The following ADIPOR2 variants were observed in gnomAD, a reference collection of about 807,000 sequenced individuals.
ADIPOR2 encodes the protein adiponectin receptor protein 2.
A neutral mutation model predicts 40.9 loss-of-function variants in ADIPOR2; 18 were observed. The ratio of observed to expected loss-of-function variants is 0.44; its 90% CI spans 0.30 to 0.65. The LOEUF (loss-of-function observed/expected upper bound fraction) is 0.65, where lower values mean the gene tolerates loss of function less well. Among genes scored for constraint, ADIPOR2 ranks in the 30% least tolerant of loss-of-function variants. The pLI is 0.09. For synonymous variants in ADIPOR2, 165 were observed against 166.4 expected (o/e 0.99, Z 0.06); for missense variants, 283 against 479.2 (o/e 0.59, Z 3.82).
intron 1 of ADIPOR2, among the ~76,000 whole-genome samples, chr12:1,718,857 C>T (rs377564597): frequency 7.2e-5 from 11 of 152,060 alleles, no homozygotes; most frequent in African/African-American, 2.7e-4. Flanking sequence ...AGGACGGGTT[C>T]CTTGTGATTT....
intron 2 of ADIPOR2, among the ~76,000 whole-genome samples, chr12:1,758,256 C>T (rs1325421371): frequency 6.6e-6 from 1 of 152,134 alleles, no homozygotes; most frequent in East Asian, 1.9e-4. Flanking sequence ...ATTTATTGCC[C>T]TGAAAGCCTC....
chr12:1,713,168 G>GA (rs1477843095), intron 1 of ADIPOR2, among the ~76,000 whole-genome samples: 2 of 152,126 alleles, frequency 1.3e-5, no homozygotes, highest in African/African-American at 2.4e-5. Context: ...AAGGCAAAGA[G>GA]AAACTGGGAG....
intron 2 of ADIPOR2, among the ~76,000 whole-genome samples, chr12:1,756,407 C>T (rs1007398448): frequency 2.6e-5 from 4 of 151,606 alleles, no homozygotes; most frequent in Non-Finnish European, 4.4e-5. Flanking sequence ...ACCTTGGCCC[C>T]GCAAATTGCT....
intron 1 of ADIPOR2, among the ~76,000 whole-genome samples, chr12:1,726,959 T>G (rs1213614102): frequency 6.6e-6 from 1 of 152,250 alleles, no homozygotes; most frequent in Non-Finnish European, 1.5e-5. Context: ...TCTTTCTATA[T>G]TTCATTGACC....
intron 1 of ADIPOR2, among the ~76,000 whole-genome samples, chr12:1,740,629 C>T (rs757597696): frequency 6.6e-6 from 1 of 152,240 alleles, no homozygotes; most frequent in South Asian, 2.1e-4. Flanking sequence ...CAGTGCACAC[C>T]GCCAGGGAAT....
intron 2 of ADIPOR2, among the ~76,000 whole-genome samples, chr12:1,758,534 T>C (rs956055776): frequency 6.6e-6 from 1 of 152,208 alleles, no homozygotes; most frequent in African/African-American, 2.4e-5. Context: ...AGTTGTTTGC[T>C]GAAAAAGAGA....
At chr12:1,729,617 G>GTTTTTTTTTTTTTTT (rs56921758) in intron 1 of ADIPOR2, among the ~76,000 whole-genome samples, 9 of 88,984 alleles carry the variant, frequency 1.0e-4, no homozygotes, top group Non-Finnish European at 1.5e-4. Context: ...TCAGCCAGTT[G>GTTTTTTTTTTTTTTT]TTTTTTTTTT....
intron 1 of ADIPOR2, among the ~76,000 whole-genome samples, chr12:1,724,573 G>A (rs996180578): frequency 2.0e-5 from 3 of 152,228 alleles, no homozygotes; most frequent in Middle Eastern, 3.4e-3. Flanking sequence ...GGTTGTAAGG[G>A]TCACACAACA....
At chr12:1,749,680 G>A (rs895412059) in intron 1 of ADIPOR2, among the ~76,000 whole-genome samples, 1 of 152,138 alleles carries the variant, frequency 6.6e-6, no homozygotes, top group Non-Finnish European at 1.5e-5. Context: ...TGCCTTCCAT[G>A]TAAGTTTTAT....
chr12:1,707,180 T>C (rs899168942), intron 1 of ADIPOR2, among the ~76,000 whole-genome samples: 3 of 152,226 alleles, frequency 2.0e-5, no homozygotes, highest in Non-Finnish European at 4.4e-5. Context: ...TCACCTGATA[T>C]TTGGGTTTCC....
At chr12:1,772,569 A>G (rs1862510857) in intron 2 of ADIPOR2, 1 of 253,296 alleles carries the variant, frequency 3.9e-6, no homozygotes, top group Admixed American at 5.5e-5. Context: ...CATAATTTTT[A>G]AAAAACAAAC....
intron 1 of ADIPOR2, among the ~76,000 whole-genome samples, chr12:1,701,010 G>A (rs538097384): frequency 2.0e-5 from 3 of 151,178 alleles, no homozygotes; most frequent in East Asian, 3.9e-4. Flanking sequence ...ATCTTAGCAT[G>A]TTCCCATATT....
At chr12:1,699,331 G>A (rs759635418) in intron 1 of ADIPOR2, among the ~76,000 whole-genome samples, 1 of 152,148 alleles carries the variant, frequency 6.6e-6, no homozygotes, top group Admixed American at 6.5e-5. Flanking sequence ...AAAAACTGCA[G>A]TGCATGCTGG....
At chr12:1,785,232 A>G (rs79195769) in intron 7 of ADIPOR2, among the ~76,000 whole-genome samples, 3,056 of 152,328 alleles carry the variant, frequency 0.02, 51 homozygotes, top group Non-Finnish European at 0.034. Context: ...GCAGCGAGCA[A>G]TTGATTACCC....
At chr12:1,770,480 T>G (rs1862474908) in intron 2 of ADIPOR2, among the ~76,000 whole-genome samples, 1 of 152,250 alleles carries the variant, frequency 6.6e-6, no homozygotes, top group African/African-American at 2.4e-5. Flanking sequence ...TTTTATATTT[T>G]AAAATCGGTC....
intron 2 of ADIPOR2, among the ~76,000 whole-genome samples, chr12:1,767,185 C>T (rs1449571291): frequency 2.7e-5 from 4 of 147,434 alleles, no homozygotes; most frequent in African/African-American, 1.0e-4. Flanking sequence ...GCAGGAGAAT[C>T]GCTTGAACCC....
In ADIPOR2 at chr12:1,777,878, A is replaced by C; in HGVS notation, c.316A>C (p.Ile106Leu). 6.2e-7 allele frequency: 1 copy of C among 1,612,824 alleles called. No homozygotes were observed. Among genetic ancestry groups the C allele is most frequent in the Non-Finnish European group, 8.5e-7 (1 of 1,179,558 alleles). ...CKVWEGRWRVIPHDVLPDWLK... is the reference protein window; with the variant it reads ...CKVWEGRWRVLPHDVLPDWLK... ...GGTATGGGAAGGTCGGTGGCGAGTGATCCCTCATGATGTACTACCAGACTG... is the reference window on the plus strand; with the variant it reads ...GGTATGGGAAGGTCGGTGGCGAGTGCTCCCTCATGATGTACTACCAGACTG... Residue 106 changes from isoleucine (I) to leucine (L), a missense_variant, in exon 4 of 8, where the codon ATC becomes CTC. Around this residue, in one of 3 missense-constraint regions of ADIPOR2, gnomAD observed 112 missense variants for 249.5 expected, o/e 0.45. Coordinates refer to ENST00000357103, the MANE Select transcript of ADIPOR2 (RefSeq NM_024551.3).
chr12:1,773,061 T>C, intron 3 of ADIPOR2, 100 bp downstream of exon 3: 2 of 1,392,538 alleles, frequency 1.4e-6, no homozygotes, highest in Non-Finnish European at 1.9e-6. Context: ...TTGGTTTGCT[T>C]TGGGGAAGAT....
At position 1,786,172 on chromosome 12, in the gene ADIPOR2, A is replaced by T; in HGVS notation, c.*100A>T. Reference sequence around the variant, plus strand: ...ATGCCAGTACCAGAGGAGCCCCAAAACTTTGACAGCCTCGTGGGCTTTGTG... The same window carrying T: ...ATGCCAGTACCAGAGGAGCCCCAAATCTTTGACAGCCTCGTGGGCTTTGTG... On this transcript the variant is annotated 3_prime_UTR_variant, in exon 8 of 8. Coordinates refer to ENST00000357103, the MANE Select transcript of ADIPOR2 (RefSeq NM_024551.3). 6.7e-7 allele frequency: 1 copy of T among 1,486,166 alleles called. No homozygotes were observed. Among genetic ancestry groups the T allele is most frequent in the Admixed American group, 2.3e-5 (1 of 44,214 alleles). 92.1% of individuals were successfully genotyped at this position (1,486,166 alleles called of 1,614,324 possible). A position where few individuals can be genotyped will look rare whatever the true frequency, so the allele number is the denominator to read the frequency against.
Sources: allele counts gnomAD v4.1 joint callset (sites outside exome capture counted in the v4.1 genomes callset), GRCh38; gene constraint gnomAD v4.1.1; regional missense constraint gnomAD v4.1.1; transcripts MANE v1.5; gene names NCBI Gene and HGNC (gene_info 2026-07-23, HGNC 2026-07-21).